Variants in CDH13 observed in about 807,000 individuals in gnomAD.
CDH13 encodes the protein cadherin-13.
CDH13 carries 24 observed loss-of-function variants against 63.8 expected under a neutral mutation model. The ratio of observed to expected loss-of-function variants is 0.38; its 90% CI spans 0.27 to 0.53. The LOEUF is 0.53. Among genes scored for constraint, CDH13 ranks in the 20% least tolerant of loss-of-function variants. CDH13 has a pLI of 0.85. For missense variants in CDH13, 1,049 were observed against 903.1 expected (o/e 1.16, Z -2.07); for synonymous variants, 503 against 355.3 (o/e 1.42, Z -4.67).
chr16:83,021,162 C>G (rs562161385), intron 2 of CDH13, among the ~76,000 whole-genome samples: 2 of 152,320 alleles, frequency 1.3e-5, no homozygotes, highest in Non-Finnish European at 2.9e-5. Flanking sequence ...TTCAAATCCA[C>G]TTACTCAAAT....
intron 10 of CDH13, among the ~76,000 whole-genome samples, chr16:83,682,985 G>A (rs553029933): frequency 1.1e-4 from 16 of 152,206 alleles, no homozygotes; most frequent in Admixed American, 6.5e-4. Flanking sequence ...CAACTCCTGG[G>A]CCACGTCCTG....
At chr16:83,671,626 A>T (rs1210192877) in intron 9 of CDH13, among the ~76,000 whole-genome samples, 3 of 152,254 alleles carry the variant, frequency 2.0e-5, no homozygotes, top group Non-Finnish European at 2.9e-5. Context: ...GAGATGTGTG[A>T]AGGTGTTTTT....
At chr16:82,696,250 C>T (rs969778987) in intron 1 of CDH13, among the ~76,000 whole-genome samples, 13 of 152,112 alleles carry the variant, frequency 8.5e-5, no homozygotes, top group South Asian at 2.1e-4. Flanking sequence ...ATTTTATTCA[C>T]GTTATATATT....
At chr16:83,460,938 C>G (rs1431023349) in intron 6 of CDH13, among the ~76,000 whole-genome samples, 1 of 151,506 alleles carries the variant, frequency 6.6e-6, no homozygotes, top group Non-Finnish European at 1.5e-5. Context: ...TGTGATCACT[C>G]CACTGCACTC....
intron 2 of CDH13, chr16:82,953,183 T>A (rs999174446): frequency 1.3e-5 from 2 of 152,210 alleles, no homozygotes; most frequent in Admixed American, 6.5e-5. Flanking sequence ...CTCTCTTAGA[T>A]TTGTGGATAT....
At chr16:83,251,526 A>G (rs990576208) in intron 5 of CDH13, among the ~76,000 whole-genome samples, 3 of 152,154 alleles carry the variant, frequency 2.0e-5, no homozygotes, top group South Asian at 4.1e-4. Flanking sequence ...TATGGGACAC[A>G]TGTCTGTTCT....
At chr16:83,018,655 C>G (rs1232733048) in intron 2 of CDH13, among the ~76,000 whole-genome samples, 2 of 152,160 alleles carry the variant, frequency 1.3e-5, no homozygotes, top group Non-Finnish European at 2.9e-5. Flanking sequence ...GAGAATGCAC[C>G]ACTGGGTAAT....
intron 7 of CDH13, among the ~76,000 whole-genome samples, chr16:83,503,139 G>A (rs998309815): frequency 1.3e-5 from 2 of 152,190 alleles, no homozygotes; most frequent in East Asian, 3.9e-4. Flanking sequence ...ACATCATCAG[G>A]TAAGCAAGGG....
In CDH13 at chr16:82,704,103, C is replaced by A. The variant is rs117075717; in HGVS notation, c.45+76966C>A. On this transcript the variant is annotated intron_variant, in intron 1 of 13. Coordinates refer to ENST00000567109, the MANE Select transcript of CDH13 (RefSeq NM_001257.5). ...CCTTTGAAAAAGGCAGGTGGCGTGGCTTGAATGTTTCTAAACTCTAAAACT... is the reference window on the plus strand; with the variant it reads ...CCTTTGAAAAAGGCAGGTGGCGTGGATTGAATGTTTCTAAACTCTAAAACT... Among the ~76,000 whole-genome samples, 913 of 152,072 alleles carry A rather than the reference C, an allele frequency of 6.0e-3. 2 individuals carry two copies. Among genetic ancestry groups the A allele is most frequent in the Non-Finnish European group, 0.011 (721 of 67,986 alleles).
intron 1 of CDH13, among the ~76,000 whole-genome samples, chr16:82,787,334 C>T (rs146620019): frequency 1.3e-3 from 193 of 152,292 alleles, no homozygotes; most frequent in Non-Finnish European, 2.1e-3. Flanking sequence ...ACAAAATAAA[C>T]AGTATCTCAA....
chr16:82,933,608 A>T (rs2042569499), intron 2 of CDH13, among the ~76,000 whole-genome samples: 1 of 152,212 alleles, frequency 6.6e-6, no homozygotes, highest in Non-Finnish European at 1.5e-5. Flanking sequence ...TTAACCCAAA[A>T]GTCCAAGTCC....
At chr16:83,043,503 G>C (rs1479355551) in intron 3 of CDH13, among the ~76,000 whole-genome samples, 1 of 150,016 alleles carries the variant, frequency 6.7e-6, no homozygotes, top group African/African-American at 2.4e-5. Flanking sequence ...GTGTGTGTGT[G>C]TGTGTGTGTG....
chr16:83,231,854 A>C (rs2040005679), intron 5 of CDH13, among the ~76,000 whole-genome samples: 1 of 152,116 alleles, frequency 6.6e-6, no homozygotes, highest in Admixed American at 6.5e-5. Context: ...AGGTGATTGA[A>C]TCATGGGGGT....
intron 1 of CDH13, among the ~76,000 whole-genome samples, chr16:82,786,377 G>C (rs956232801): frequency 2.0e-5 from 3 of 150,682 alleles, no homozygotes; most frequent in Non-Finnish European, 4.4e-5. Flanking sequence ...ACTTCCAAAA[G>C]TGTCTATGCC....
At chr16:83,072,422 T>C (rs2032507161) in intron 3 of CDH13, among the ~76,000 whole-genome samples, 1 of 152,208 alleles carries the variant, frequency 6.6e-6, no homozygotes, top group Admixed American at 6.5e-5. Flanking sequence ...TAAACACAAT[T>C]AGTTTTTCCT....
At chr16:83,475,533 C>A (rs1316996424) in intron 6 of CDH13, among the ~76,000 whole-genome samples, 1 of 152,140 alleles carries the variant, frequency 6.6e-6, no homozygotes, top group Non-Finnish European at 1.5e-5. Flanking sequence ...TAGGGTTGGA[C>A]TGTTATCTCA....
At chr16:83,375,436 T>C (rs1417307392) in intron 6 of CDH13, among the ~76,000 whole-genome samples, 2 of 152,238 alleles carry the variant, frequency 1.3e-5, no homozygotes, top group Non-Finnish European at 2.9e-5. Flanking sequence ...TTAAAAATTG[T>C]ACTCATTCTG....
intron 3 of CDH13, among the ~76,000 whole-genome samples, chr16:83,103,904 G>C (rs966999897): frequency 6.6e-6 from 1 of 152,206 alleles, no homozygotes. Flanking sequence ...TCAGTGTGAA[G>C]TATTTGCAAA....
At chr16:83,748,302 CT>C (rs1912778221) in intron 11 of CDH13, 52 bp downstream of exon 11, 52 of 1,510,984 alleles carry the variant, frequency 3.4e-5, no homozygotes, top group Non-Finnish European at 4.5e-5. Flanking sequence ...TACAAATATA[CT>C]TTTACATTTT....
Sources: allele counts gnomAD v4.1 joint callset (sites outside exome capture counted in the v4.1 genomes callset), GRCh38; gene constraint gnomAD v4.1.1; transcripts MANE v1.5; gene names NCBI Gene and HGNC (gene_info 2026-07-23, HGNC 2026-07-21).